EME1: variants seen among roughly 807,000 people sequenced by gnomAD.
EME1 encodes the protein essential meiotic structure-specific endonuclease 1.
A neutral mutation model predicts 59.1 loss-of-function variants in EME1; 61 were observed. The observed-to-expected ratio is 1.03, with a 90% CI of 0.84 to 1.28. EME1 has a LOEUF of 1.28. Among genes scored for constraint, EME1 ranks in the 50% most tolerant of loss-of-function variants. The pLI is 0.00. For synonymous variants in EME1, 230 were observed against 254.2 expected, an observed-to-expected ratio of 0.90 and a Z score of 0.90; for missense variants, 635 against 682.6, an observed-to-expected ratio of 0.93 and a Z score of 0.78.
chr17:50,376,001 T>C lies in EME1; in HGVS notation c.775+18T>C. 6.2e-7 allele frequency: 1 copy of C among 1,606,402 alleles called. No homozygotes were observed. The highest frequency in any genetic ancestry group is 2.2e-5 in the East Asian group (1 of 44,682). On this transcript the variant is annotated intron_variant, in intron 2 of 8. Coordinates refer to ENST00000338165, the MANE Select transcript of EME1 (RefSeq NM_152463.4). The stretch of plus-strand genomic sequence containing the variant: ...GGATCCAGGTCCTCACATGTGTCTT[T>C]GTCCTGTGCTGAGTTATCTGCGTTC...
chr17:50,378,353 C>T lies in EME1; in HGVS notation c.904-242C>T, dbSNP rs541670243. Among the ~76,000 whole-genome samples the T allele has an allele frequency of 1.8e-4, 28 of 152,262 alleles. No individual in the cohort carries two copies. In the South Asian group the frequency reaches 5.6e-3, roughly 30 times the overall value. On this transcript the variant is annotated intron_variant, in intron 3 of 8. Coordinates refer to ENST00000338165, the MANE Select transcript of EME1 (RefSeq NM_152463.4). ...TGCTGGGATTACAGGCGTGAGTCAC[C>T]GCGCCCGGCTGCTATGTTCCTTTCT... is the stretch of plus-strand genomic sequence containing the variant.
intron 1 of EME1, 197 bp from the exon 2 acceptor site, chr17:50,374,988 G>A (rs1913378710): frequency 2.1e-6 from 1 of 474,914 alleles, no homozygotes. Context: ...AGCTTGACCT[G>A]GAAAGAATTT....
In EME1 at chr17:50,376,135, T is replaced by C. The variant is rs368542094; in HGVS notation, c.845T>C (p.Ile282Thr). 5.0e-5 allele frequency: 81 copies of C among 1,614,092 alleles called. No individual in the cohort carries two copies. In the East Asian group the frequency reaches 6.0e-4, roughly 12 times the overall value. Residue 282 changes from isoleucine (I) to threonine (T), a missense_variant, in exon 3 of 9, where the codon ATT (isoleucine) becomes ACT (threonine). Ile to Thr is a moderately conservative substitution (Grantham distance 89, BLOSUM62 -1). Transcript: ENST00000338165. Reference sequence around the variant, plus strand: ...CAGACCATGGAGTGCCGCTGTGTGATTGAGGCGCAGGCTGTGCCTTGCAGT... The same window carrying C: ...CAGACCATGGAGTGCCGCTGTGTGACTGAGGCGCAGGCTGTGCCTTGCAGT... ...ALQTMECRCV[I>T]EAQAVPCSVT...
chr17:50,379,643 C>A, intron 7 of EME1, 76 bp downstream of exon 7: 1 of 1,275,104 alleles, frequency 7.8e-7, no homozygotes. Flanking sequence ...AAGCAAATGT[C>A]CCTTTCCCCT....
intron 3 of EME1, among the ~76,000 whole-genome samples, chr17:50,376,534 A>G (rs1030935851): frequency 3.9e-5 from 6 of 152,184 alleles, no homozygotes; most frequent in Admixed American, 6.5e-5. Flanking sequence ...GCCACTATCT[A>G]CTAATGTACC....
chr17:50,381,130 C>G lies in EME1; in HGVS notation c.*191C>G, dbSNP rs185165421. The G allele has an allele frequency of 1.6e-4, 103 of 643,516 alleles. No homozygotes were observed. The highest frequency in any genetic ancestry group is 3.0e-4 in the Admixed American group (10 of 33,100). 39.9% of individuals were successfully genotyped at this position (643,516 alleles called of 1,614,324 possible). ...TGGGGCAGAGACTGAAATACTGCCA[C>G]CTACCTTTGGCATTTAATGTTCCTC... On this transcript the variant is annotated 3_prime_UTR_variant, in exon 9 of 9. Coordinates refer to ENST00000338165, the MANE Select transcript of EME1 (RefSeq NM_152463.4).
chr17:50,380,383 T>C lies in EME1; in HGVS notation c.1418T>C (p.Leu473Pro). ...SDWAGGVKVD[L>P]AGRGLALVWR... ...TGGGCTGGAGGGGTGAAGGTGGACC[T>C]TGCTGGCAGGGGACTCGCACTAGTC... Residue 473 changes from leucine to proline, a missense_variant, in exon 8 of 9, where the codon CTT becomes CCT. Transcript: ENST00000338165. 6.2e-7 allele frequency: 1 copy of C among 1,614,158 alleles called. No individual in the cohort carries two copies. Among genetic ancestry groups the C allele is most frequent in the Non-Finnish European group, 8.5e-7 (1 of 1,180,004 alleles).
rs763823187 is a variant in EME1, at chr17:50,378,594, GGACA to G, written c.906_909del (p.Asp302GlufsTer22). On this transcript the variant is annotated frameshift_variant and splice_region_variant, in exon 4 of 9. Transcript: ENST00000338165. LOFTEE classifies it high-confidence loss of function. ...GTGCTGTGTTCTGGGTACTTTGGCA[GGACA>G]GAGAGGACTGGGTGGAGGAGCCAAC... The G allele has an allele frequency of 1.5e-5, 24 of 1,613,332 alleles. No homozygotes were observed. The highest frequency in any genetic ancestry group is 8.3e-5 in the Admixed American group (5 of 60,002).
intron 1 of EME1, 98 bp downstream of exon 1, chr17:50,373,375 G>T: frequency 1.5e-6 from 1 of 651,114 alleles, no homozygotes; most frequent in Non-Finnish European, 2.6e-6. Flanking sequence ...AGGAGCCTCT[G>T]CAGCGGACCG....
intron 4 of EME1, 21 bp from the exon 5 acceptor site, chr17:50,378,753 A>G: frequency 6.2e-7 from 1 of 1,614,214 alleles, no homozygotes; most frequent in African/African-American, 1.3e-5. Flanking sequence ...GTATTAATGC[A>G]GTTTCTGCCC....
rs559154550 is a variant in EME1, at chr17:50,379,621, C to T, written c.1346+54C>T. 142 of 1,480,014 alleles carry T rather than the reference C, an allele frequency of 9.6e-5. 2 individuals are homozygous for T. In the South Asian group the frequency reaches 1.5e-3, roughly 16 times the overall value. The allele number at this position is 1,480,014 out of a possible 1,614,324, so 91.7% of individuals were successfully genotyped here. A position where few individuals can be genotyped will look rare whatever the true frequency, so the allele number is the denominator to read the frequency against. On this transcript the variant is annotated intron_variant, in intron 7 of 8. Transcript: ENST00000338165. ...ATGCTGGGCCTGTCCTTTACCATGG[C>T]TCTTGCAGTCAAAGCAAATGTCCCT... is the stretch of plus-strand genomic sequence containing the variant.
Position 50,380,875 on chromosome 17 carries a change from C to G in EME1, c.1649C>G (p.Ser550Cys). The change falls in exon 9 of 9, where the codon TCC becomes TGC. Residue 550 changes from serine (S) to cysteine (C), a missense_variant. Transcript: ENST00000338165. ...TCTCGCCGCATTGGACCAGAACTAT[C>G]CAGGCGTATCTACCTTCAGATGACC... ...STSRRIGPEL[S>C]RRIYLQMTTL... 1 of 1,614,176 alleles carries G rather than the reference C, an allele frequency of 6.2e-7. No homozygotes were observed. Among genetic ancestry groups the G allele is most frequent in the East Asian group, 2.2e-5 (1 of 44,886 alleles).
rs761507904 is a variant in EME1, at chr17:50,378,803, G to T, written c.1020G>T (p.Lys340Asn). ...QGSLDSTMKG[K>N]ETLQGFVTDI... ...GCCTGGACAGCACTATGAAAGGGAA[G>T]GAAACGCTTCAGGGCTTTGTAACTG... The change falls in exon 5 of 9, where the codon AAG (lysine) becomes AAT (asparagine). Residue 340 changes from lysine (K) to asparagine (N), a missense_variant. Transcript: ENST00000338165. The T allele has an allele frequency of 6.2e-7, 1 of 1,614,214 alleles. No individual in the cohort carries two copies. The highest frequency in any genetic ancestry group is 1.7e-5 in the Admixed American group (1 of 60,026).
Position 50,373,229 on chromosome 17 carries a change from A to G in EME1, c.-73A>G, listed in dbSNP as rs1598358837. On this transcript the variant is annotated 5_prime_UTR_variant, in exon 1 of 9. Coordinates refer to ENST00000338165, the MANE Select transcript of EME1 (RefSeq NM_152463.4). ...TTCTACTTCCGCTATCAGGAGATCTACTTCCGGGCCCTGCGTGGCAGTTGA... is the reference window on the plus strand; with the variant it reads ...TTCTACTTCCGCTATCAGGAGATCTGCTTCCGGGCCCTGCGTGGCAGTTGA... 6 of 1,585,476 alleles carry G rather than the reference A, an allele frequency of 3.8e-6. No individual in the cohort carries two copies. The South Asian group carries it at 6.9e-5, about 18-fold the overall frequency.
chr17:50,379,291 G>C (rs1045005948), intron 6 of EME1, 67 bp downstream of exon 6: 1 of 1,606,806 alleles, frequency 6.2e-7, no homozygotes, highest in African/African-American at 1.3e-5. Flanking sequence ...GCTATTGATA[G>C]AGAATAAAAT....
intron 7 of EME1, 23 bp downstream of exon 7, chr17:50,379,590 G>C (rs1913680647): frequency 6.2e-7 from 1 of 1,601,230 alleles, no homozygotes; most frequent in Non-Finnish European, 8.6e-7. Context: ...AGCAAGTCCA[G>C]CCTCCATGCT....
chr17:50,380,981 A>C lies in EME1; in HGVS notation c.*42A>C. The C allele has an allele frequency of 6.2e-7, 1 of 1,606,706 alleles. No homozygotes were observed. The highest frequency in any genetic ancestry group is 8.5e-7 in the Non-Finnish European group (1 of 1,174,594). ...TGAGGATGAAAAGCTGGAAACTTCC[A>C]CTTCCCCAACCTCAGAGCCTGACTG... On this transcript the variant is annotated 3_prime_UTR_variant, in exon 9 of 9. Coordinates refer to ENST00000338165, the MANE Select transcript of EME1 (RefSeq NM_152463.4).
At position 50,373,276 on chromosome 17, in the gene EME1, A is replaced by C. The variant is rs1598358918; in HGVS notation, c.-26A>C. ...TTGAAAGAGTGGCGGGAGAAGTTGCAGGTGAGCGTCCCCGGTCGCAGGCCT... is the reference window on the plus strand; with the variant it reads ...TTGAAAGAGTGGCGGGAGAAGTTGCCGGTGAGCGTCCCCGGTCGCAGGCCT... On this transcript the variant is annotated splice_region_variant and 5_prime_UTR_variant, in exon 1 of 9. Transcript: ENST00000338165. The C allele has an allele frequency of 4.0e-6, 6 of 1,512,978 alleles. No individual in the cohort carries two copies. The highest frequency in any genetic ancestry group is 2.8e-5 in the African/African-American group (2 of 72,290). 93.7% of individuals were successfully genotyped at this position (1,512,978 alleles called of 1,614,324 possible).
At position 50,376,192 on chromosome 17, in the gene EME1, AG is replaced by A. The variant is rs767560489; in HGVS notation, c.903+1del. On this transcript the variant is annotated frameshift_variant and splice_region_variant, in exon 3 of 9. Coordinates refer to ENST00000338165, the MANE Select transcript of EME1 (RefSeq NM_152463.4). LOFTEE classifies it high-confidence loss of function. ...VTWRRRAGPSEDREDWVEEPT... is the reference protein window; with the variant it reads ...VTWRRRAGPSXDREDWVEEPT... ...TGGAGGAGAAGGGCTGGGCCGTCTGAGGTAGGAGTTTTCTGGCTGACATTTC... is the reference window on the plus strand; with the variant it reads ...TGGAGGAGAAGGGCTGGGCCGTCTGAGTAGGAGTTTTCTGGCTGACATTTC... 1 of 1,612,020 alleles carries A rather than the reference AG, an allele frequency of 6.2e-7. No individual in the cohort carries two copies. The highest frequency in any genetic ancestry group is 2.2e-5 in the East Asian group (1 of 44,844).
Sources: allele counts gnomAD v4.1 joint callset (sites outside exome capture counted in the v4.1 genomes callset), GRCh38; gene constraint gnomAD v4.1.1; transcripts MANE v1.5; gene names NCBI Gene and HGNC (gene_info 2026-07-23, HGNC 2026-07-21).